SCLY: variants seen among roughly 807,000 people sequenced by gnomAD.
The protein encoded by SCLY is selenocysteine lyase.
A neutral mutation model predicts 50.1 loss-of-function variants in SCLY; 38 were observed. That is an observed-to-expected ratio of 0.76 (90% CI 0.59 to 0.99). The LOEUF is 0.99. Ranked by LOEUF, SCLY falls within the 50% of genes least tolerant of loss-of-function variation. The probability of loss-of-function intolerance (pLI) is 0.00; values close to 1 mark genes in which losing one functional copy is unlikely to be tolerated. For synonymous variants in SCLY, 243 were observed against 249.4 expected (o/e 0.97, Z 0.24); for missense variants, 600 against 620.0 (o/e 0.97, Z 0.34).
chr2:238,087,319 G>T (rs2065309197), intron 7 of SCLY, among the ~76,000 whole-genome samples: 1 of 152,092 alleles, frequency 6.6e-6, no homozygotes, highest in Non-Finnish European at 1.5e-5. Context: ...ATGAAACAAG[G>T]AGTACCACTC....
Position 238,091,205 on chromosome 2 carries a change from T to G in SCLY, c.885-13T>G, listed in dbSNP as rs780777663. On this transcript the variant is annotated splice_polypyrimidine_tract_variant and intron_variant, in intron 7 of 11. Transcript: ENST00000254663. Reference sequence around the variant, plus strand: ...CATTTGTTTATTCTTGCTTAATCCCTTGTTTCTTACAGGACAGAGAACACC... The same window carrying G: ...CATTTGTTTATTCTTGCTTAATCCCGTGTTTCTTACAGGACAGAGAACACC... 1.9e-6 allele frequency: 3 copies of G among 1,611,268 alleles called. No homozygotes were observed. Among genetic ancestry groups the G allele is most frequent in the Non-Finnish European group, 8.5e-7 (1 of 1,177,408 alleles).
At chr2:238,076,217 AAG>A (rs2065172668) in intron 4 of SCLY, among the ~76,000 whole-genome samples, 1 of 151,698 alleles carries the variant, frequency 6.6e-6, no homozygotes, top group African/African-American at 2.4e-5. Flanking sequence ...TCAACCTCCC[AAG>A]TAACTGGGAT....
At chr2:238,095,509 C>T (rs1339957935) in intron 10 of SCLY, 2 of 152,162 alleles carry the variant, frequency 1.3e-5, no homozygotes, top group East Asian at 1.9e-4. Flanking sequence ...ACCCAGCAGT[C>T]GTGTTTGGCC....
At chr2:238,068,708 G>A (rs368997429) in intron 3 of SCLY, among the ~76,000 whole-genome samples, 4 of 152,158 alleles carry the variant, frequency 2.6e-5, no homozygotes, top group African/African-American at 9.7e-5. Flanking sequence ...AGGTTTCCCC[G>A]TCATTGTTGC....
chr2:238,069,199 G>A lies in SCLY; in HGVS notation c.304-98G>A, dbSNP rs969228214. 7.1e-5 allele frequency: 80 copies of A among 1,121,870 alleles called. No homozygotes were observed. The highest frequency in any genetic ancestry group is 1.9e-4 in the Admixed American group (6 of 30,940). The allele number at this position is 1,121,870 out of a possible 1,614,324, so 69.5% of individuals were successfully genotyped here. On this transcript the variant is annotated intron_variant, in intron 3 of 11. Coordinates refer to ENST00000254663, the MANE Select transcript of SCLY (RefSeq NM_016510.7). The surrounding 1 kb of genome is among the most constrained non-coding windows in gnomAD (Gnocchi z 5.0). ...AGTTGAATTTCTTTGAAGCTTTTTT[G>A]ATGTTAGCCACAAAAGAAATTAAGT... is the stretch of plus-strand genomic sequence containing the variant.
Position 238,069,293 on chromosome 2 carries a change from G to T in SCLY, c.304-4G>T, listed in dbSNP as rs754488513. ...TAAATGCTTTTTTTGCTGTATCTCT[G>T]CAGTCAAATAATTTAGTAATCCATT... On this transcript the variant is annotated splice_region_variant and splice_polypyrimidine_tract_variant and intron_variant, in intron 3 of 11. Transcript: ENST00000254663. The surrounding 1 kb of genome is among the most constrained non-coding windows in gnomAD (Gnocchi z 5.0). 3 of 1,612,474 alleles carry T rather than the reference G, an allele frequency of 1.9e-6. No homozygotes were observed. Among genetic ancestry groups the T allele is most frequent in the Middle Eastern group, 1.7e-4 (1 of 6,058 alleles).
chr2:238,076,575 C>T (rs114228978), intron 4 of SCLY, among the ~76,000 whole-genome samples: 2,115 of 150,556 alleles, frequency 0.014, 40 homozygotes, highest in African/African-American at 0.049. Context: ...TATTGTTCTG[C>T]GGAAGGCCGC....
rs1691339662 is a variant in SCLY at position 238,098,637 on chromosome 2, C to CGCCCACATAGGAA, written c.*282_*283insGCCCACATAGGAA. On this transcript the variant is annotated 3_prime_UTR_variant, in exon 12 of 12. Coordinates refer to ENST00000254663, the MANE Select transcript of SCLY (RefSeq NM_016510.7). ...CCCACATGGGACCGCCCACATGGGACCGCCCACATGGGACCGCCCACATAG... is the reference window on the plus strand; with the variant it reads ...CCCACATGGGACCGCCCACATGGGACGCCCACATAGGAACGCCCACATGGGACCGCCCACATAG... 13 of 285,062 alleles carry CGCCCACATAGGAA rather than the reference C, an allele frequency of 4.6e-5. No homozygotes were observed. Among genetic ancestry groups the CGCCCACATAGGAA allele is most frequent in the African/African-American group, 3.5e-4 (10 of 28,562 alleles). The allele number at this position is 285,062 out of a possible 1,614,324, so 17.7% of individuals were successfully genotyped here. A position where few individuals can be genotyped will look rare whatever the true frequency, so the allele number is the denominator to read the frequency against.
In SCLY at chr2:238,064,417, G is replaced by T. The variant is rs771978013; in HGVS notation, c.150G>T (p.Met50Ile). 5 of 1,611,716 alleles carry T rather than the reference G, an allele frequency of 3.1e-6. No individual in the cohort carries two copies. In the African/African-American group the frequency reaches 5.3e-5, roughly 17 times the overall value. Residue 50 changes from methionine to isoleucine, a missense_variant, in exon 2 of 12, where the codon ATG becomes ATT. Met to Ile is a conservative substitution (Grantham distance 10). Coordinates refer to ENST00000254663, the MANE Select transcript of SCLY (RefSeq NM_016510.7). ...TGGAGCCAGAAGTTATCCAGGCCAT[G>T]ACCAAGGCCATGTGGGAAGCCTGGG... ...TPLEPEVIQA[M>I]TKAMWEAWGN...
intron 2 of SCLY, 54 bp downstream of exon 2, chr2:238,064,523 C>G: frequency 7.8e-7 from 1 of 1,289,054 alleles, no homozygotes; most frequent in Non-Finnish European, 1.1e-6. Flanking sequence ...GGATGGGGCG[C>G]TCTTAGAGAA....
chr2:238,072,577 A>C (rs902653419), intron 4 of SCLY, among the ~76,000 whole-genome samples: 1 of 152,176 alleles, frequency 6.6e-6, no homozygotes, highest in Admixed American at 6.5e-5. Context: ...TTGCCAGCCT[A>C]GTAGGTGTAA....
chr2:238,095,292 A>G (rs1243247948), intron 10 of SCLY, among the ~76,000 whole-genome samples: 1 of 152,224 alleles, frequency 6.6e-6, no homozygotes, highest in East Asian at 1.9e-4. Flanking sequence ...AGGAGCAGTT[A>G]GGATCACCCC....
intron 4 of SCLY, among the ~76,000 whole-genome samples, chr2:238,070,246 AG>A (rs1199312939): frequency 6.6e-6 from 1 of 152,242 alleles, no homozygotes; most frequent in East Asian, 1.9e-4. Context: ...TCCTTGAGAC[AG>A]ATTTTCTTCT....
intron 4 of SCLY, among the ~76,000 whole-genome samples, chr2:238,071,786 C>T (rs2065130343): frequency 6.6e-6 from 1 of 152,180 alleles, no homozygotes; most frequent in Non-Finnish European, 1.5e-5. Flanking sequence ...CACAAGCATC[C>T]TCAATGTAAA....
chr2:238,081,729 T>C lies in SCLY; in HGVS notation c.505T>C (p.Ser169Pro). The stretch of plus-strand genomic sequence containing the variant: ...CCCAGCGGTCACCTTTGTCCCGGTG[T>C]CCAAGGTGAGCGGGCAGGCAGAGGT... ...QVAAVTFVPVSKVSGQAEVDD... is the reference protein window; with the variant it reads ...QVAAVTFVPVPKVSGQAEVDD... Residue 169 changes from serine (S) to proline (P), a missense_variant, in exon 5 of 12, where the codon TCC becomes CCC. Coordinates refer to ENST00000254663, the MANE Select transcript of SCLY (RefSeq NM_016510.7). The C allele has an allele frequency of 6.2e-7, 1 of 1,614,218 alleles. No individual in the cohort carries two copies. The highest frequency in any genetic ancestry group is 8.5e-7 in the Non-Finnish European group (1 of 1,180,026).
chr2:238,069,401 C>T lies in SCLY; in HGVS notation c.408C>T (p.Pro136=). The change falls in exon 4 of 12, where the codon CCC becomes CCT. Residue 136 remains proline (P), a synonymous_variant. Transcript: ENST00000254663. The surrounding 1 kb of genome is among the most constrained non-coding windows in gnomAD (Gnocchi z 5.0). ...GHHSPVKGAK[P]HFITSSVEHD... ...ACAGCCCAGTGAAGGGGGCCAAGCC[C>T]CATTTCATTACTTCCTCGGTGGAAC... 6.2e-7 allele frequency: 1 copy of T among 1,614,048 alleles called. No homozygotes were observed. Among genetic ancestry groups the T allele is most frequent in the South Asian group, 1.1e-5 (1 of 91,010 alleles).
intron 4 of SCLY, among the ~76,000 whole-genome samples, chr2:238,072,259 T>A (rs2065135224): frequency 6.6e-6 from 1 of 152,240 alleles, no homozygotes; most frequent in African/African-American, 2.4e-5. Flanking sequence ...TCATTGTCTA[T>A]CTGTACCACA....
intron 2 of SCLY, chr2:238,064,703 G>A: frequency 6.5e-6 from 2 of 307,106 alleles, no homozygotes; most frequent in Non-Finnish European, 1.2e-5. Flanking sequence ...ATGCTGTCCT[G>A]TCACCCTTTC....
intron 1 of SCLY, among the ~76,000 whole-genome samples, chr2:238,063,335 C>T (rs947105132): frequency 1.3e-5 from 2 of 151,464 alleles, no homozygotes; most frequent in Admixed American, 6.6e-5. Flanking sequence ...TCACAGCAAC[C>T]TCTGCCTCCT....
Sources: gnomAD v4.1 joint callset for allele counts (sites outside exome capture counted in the v4.1 genomes callset) on GRCh38, gnomAD v4.1.1 for gene constraint, Gnocchi (gnomAD v3.1) non-coding constraint, MANE v1.5 for transcripts, NCBI Gene and HGNC (gene_info 2026-07-23, HGNC 2026-07-21) for gene names.